Variants in GOLPH3L observed in about 807,000 individuals in gnomAD.
GOLPH3L encodes the protein Golgi phosphoprotein 3-like.
In GOLPH3L, 22 loss-of-function variants were observed where a neutral mutation model predicts 30.3. The observed-to-expected ratio is 0.73, with a 90% CI of 0.52 to 1.04. GOLPH3L has a LOEUF of 1.04. Among genes scored for constraint, GOLPH3L ranks in the 50% least tolerant of loss-of-function variants. GOLPH3L has a pLI of 0.00. For missense variants in GOLPH3L, 303 were observed against 345.8 expected (o/e 0.88, Z 0.98); for synonymous variants, 120 against 128.2 (o/e 0.94, Z 0.43).
intron 2 of GOLPH3L, among the ~76,000 whole-genome samples, chr1:150,671,544 C>T (rs1393750803): frequency 2.0e-5 from 3 of 151,602 alleles, no homozygotes; most frequent in Non-Finnish European, 4.4e-5. Flanking sequence ...CGGTGGCTCA[C>T]GCCTGTAATC....
chr1:150,670,090 GT>G (rs2101797910), intron 2 of GOLPH3L, among the ~76,000 whole-genome samples: 1 of 151,632 alleles, frequency 6.6e-6, no homozygotes, highest in Non-Finnish European at 1.5e-5. Flanking sequence ...GTGAAACCCC[GT>G]TTCTACTAAA....
Position 150,678,286 on chromosome 1 carries a change from A to AG in GOLPH3L, c.184-14524_184-14523insC, listed in dbSNP as rs1255674613. On this transcript the variant is annotated intron_variant, in intron 2 of 4. Coordinates refer to ENST00000271732, the MANE Select transcript of GOLPH3L (RefSeq NM_018178.6). ...GCAACAAGATCGAAACTCCGTCTCA[A>AG]AAAAAAAAAAAAAAAAAAAAAGGAC... 2.7e-4 allele frequency among the ~76,000 whole-genome samples: 37 copies of AG among 134,622 alleles called. No individual in the cohort carries two copies. The Admixed American group carries it at 2.8e-3, about 10-fold the overall frequency. The allele number at this position is 134,622 out of a possible 152,430, so 88.3% of individuals were successfully genotyped here. A position where few individuals can be genotyped will look rare whatever the true frequency, so the allele number is the denominator to read the frequency against.
chr1:150,695,178 C>T (rs1483694458), intron 1 of GOLPH3L, among the ~76,000 whole-genome samples: 1 of 152,082 alleles, frequency 6.6e-6, no homozygotes, highest in Non-Finnish European at 1.5e-5. Flanking sequence ...CTCTGTTGCC[C>T]AGGCTGGGAG....
intron 4 of GOLPH3L, among the ~76,000 whole-genome samples, chr1:150,654,694 C>T (rs1016909345): frequency 2.6e-5 from 4 of 152,110 alleles, no homozygotes; most frequent in Non-Finnish European, 4.4e-5. Context: ...TGTTCCAAAC[C>T]GGGGCATTTC....
At chr1:150,677,853 T>C (rs1224885081) in intron 2 of GOLPH3L, among the ~76,000 whole-genome samples, 1 of 151,362 alleles carries the variant, frequency 6.6e-6, no homozygotes, top group East Asian at 2.0e-4. Context: ...CTCAAACTCA[T>C]AGACTCAAGT....
chr1:150,676,793 G>A (rs755252755), intron 2 of GOLPH3L, among the ~76,000 whole-genome samples: 14 of 151,400 alleles, frequency 9.2e-5, no homozygotes, highest in Non-Finnish European at 1.8e-4. Context: ...ACAGCCACCC[G>A]CCACCAAGCC....
At chr1:150,655,757 C>A (rs752106654) in intron 4 of GOLPH3L, among the ~76,000 whole-genome samples, 138 of 152,224 alleles carry the variant, frequency 9.1e-4, no homozygotes, top group Non-Finnish European at 1.6e-3. Context: ...CTCCAGTTTT[C>A]GCAATTAAGA....
intron 4 of GOLPH3L, among the ~76,000 whole-genome samples, chr1:150,656,096 TCA>T (rs765656500): frequency 5.3e-5 from 8 of 152,226 alleles, no homozygotes; most frequent in African/African-American, 9.6e-5. Context: ...TAAAAAATTT[TCA>T]CAGTGTTACA....
At chr1:150,681,333 G>A (rs775965567) in intron 2 of GOLPH3L, among the ~76,000 whole-genome samples, 11 of 152,224 alleles carry the variant, frequency 7.2e-5, no homozygotes, top group Non-Finnish European at 1.3e-4. Flanking sequence ...TTTATCCACT[G>A]CTGATAAAAA....
chr1:150,677,125 C>T (rs1650823766), intron 2 of GOLPH3L, among the ~76,000 whole-genome samples: 1 of 151,564 alleles, frequency 6.6e-6, no homozygotes, highest in African/African-American at 2.4e-5. Flanking sequence ...AGCTGGAGTG[C>T]AGTGGCGCGA....
chr1:150,658,161 G>A (rs587742228), intron 4 of GOLPH3L, among the ~76,000 whole-genome samples: 20 of 152,318 alleles, frequency 1.3e-4, no homozygotes, highest in South Asian at 2.1e-4. Flanking sequence ...CAGCCATGTC[G>A]AGACTGATGC....
At chr1:150,658,374 C>A (rs1299671920) in intron 4 of GOLPH3L, among the ~76,000 whole-genome samples, 1 of 152,182 alleles carries the variant, frequency 6.6e-6, no homozygotes, top group Non-Finnish European at 1.5e-5. Flanking sequence ...ACACAGAGAA[C>A]AATTATACTC....
chr1:150,681,438 T>C (rs1650945264), intron 2 of GOLPH3L, among the ~76,000 whole-genome samples: 1 of 152,096 alleles, frequency 6.6e-6, no homozygotes, highest in Non-Finnish European at 1.5e-5. Context: ...GGATTTGTGA[T>C]GGGCTTTAAA....
chr1:150,662,891 T>G (rs587629613), intron 3 of GOLPH3L, among the ~76,000 whole-genome samples: 1 of 152,234 alleles, frequency 6.6e-6, no homozygotes, highest in East Asian at 1.9e-4. Context: ...GTGGAAAAAT[T>G]CAGTAAGAAA....
intron 1 of GOLPH3L, among the ~76,000 whole-genome samples, chr1:150,696,685 A>C: frequency 6.6e-6 from 1 of 151,854 alleles, no homozygotes; most frequent in East Asian, 1.9e-4. Flanking sequence ...TGAAGGAGGA[A>C]GAGAACCATG....
intron 2 of GOLPH3L, among the ~76,000 whole-genome samples, chr1:150,691,562 G>A (rs1178073871): frequency 6.6e-6 from 1 of 151,828 alleles, no homozygotes; most frequent in Non-Finnish European, 1.5e-5. Flanking sequence ...CTTCCTCTAG[G>A]TCCAGAAACA....
chr1:150,650,910 A>C (rs1650090149), intron 4 of GOLPH3L, among the ~76,000 whole-genome samples: 1 of 152,262 alleles, frequency 6.6e-6, no homozygotes, highest in Non-Finnish European at 1.5e-5. Flanking sequence ...GAGAACGCTA[A>C]AATGTTGGAC....
chr1:150,659,731 AAT>A (rs1159229566), intron 4 of GOLPH3L, among the ~76,000 whole-genome samples: 1 of 152,014 alleles, frequency 6.6e-6, no homozygotes, highest in Non-Finnish European at 1.5e-5. Flanking sequence ...TAATATCCAG[AAT>A]ATATATAAAG....
At chr1:150,650,049 T>A (rs781230227) in intron 4 of GOLPH3L, among the ~76,000 whole-genome samples, 1 of 151,922 alleles carries the variant, frequency 6.6e-6, no homozygotes, top group African/African-American at 2.4e-5. Flanking sequence ...CTGGTGTATG[T>A]CCAAGGATGT....
Sources: allele counts gnomAD v4.1 joint callset (sites outside exome capture counted in the v4.1 genomes callset), GRCh38; gene constraint gnomAD v4.1.1; transcripts MANE v1.5; gene names NCBI Gene and HGNC (gene_info 2026-07-23, HGNC 2026-07-21).